Variants in NRCAM observed in about 807,000 individuals in gnomAD.
NRCAM encodes NgCAM-related cell adhesion molecule.
NRCAM carries 83 observed loss-of-function variants against 156.5 expected under a neutral mutation model. The ratio of observed to expected loss-of-function variants is 0.53; its 90% CI spans 0.44 to 0.64. The LOEUF (loss-of-function observed/expected upper bound fraction) is 0.64, where lower values mean the gene tolerates loss of function less well. NRCAM is among the 30% of genes least tolerant of loss of function. NRCAM has a pLI of 0.00. For missense variants in NRCAM, 1,417 were observed against 1,597.3 expected (o/e 0.89, Z 1.92); for synonymous variants, 538 against 563.9 (o/e 0.95, Z 0.65).
intron 1 of NRCAM, among the ~76,000 whole-genome samples, chr7:108,401,193 T>G (rs2099791449): frequency 6.6e-6 from 1 of 152,048 alleles, no homozygotes; most frequent in Non-Finnish European, 1.5e-5. Flanking sequence ...TAAGCCGAGA[T>G]GGCGCCACTG....
At chr7:108,315,263 C>CT (rs200258878) in intron 2 of NRCAM, among the ~76,000 whole-genome samples, 104 of 151,348 alleles carry the variant, frequency 6.9e-4, no homozygotes, top group Admixed American at 1.5e-3. Flanking sequence ...AGCCCAAACT[C>CT]TTTTTTTTTC....
rs763240093 is a variant in NRCAM at position 108,432,356 on chromosome 7, CTTG to C, written c.-332+23884_-332+23886del. Among the ~76,000 whole-genome samples, 9 of 152,198 alleles carry C rather than the reference CTTG, an allele frequency of 5.9e-5. No individual in the cohort carries two copies. In the East Asian group the frequency reaches 9.6e-4, roughly 16 times the overall value. ...AAATTATGCCAAATCATATGTTCTT[CTTG>C]TTCGAAGAATTGGTGTAACAAGACT... On this transcript the variant is annotated intron_variant, in intron 1 of 32. Transcript: ENST00000379028.
At chr7:108,439,678 T>C (rs35436957) in intron 1 of NRCAM, among the ~76,000 whole-genome samples, 1 of 151,444 alleles carries the variant, frequency 6.6e-6, no homozygotes, top group Non-Finnish European at 1.5e-5. Flanking sequence ...CTACTAAAAA[T>C]ACAAAATTAG....
At chr7:108,316,704 G>A (rs977915569) in intron 2 of NRCAM, among the ~76,000 whole-genome samples, 2 of 151,788 alleles carry the variant, frequency 1.3e-5, no homozygotes, top group Non-Finnish European at 2.9e-5. Context: ...ACAATCAATG[G>A]TGTGAACCCA....
At chr7:108,424,836 G>T (rs868140975) in intron 1 of NRCAM, among the ~76,000 whole-genome samples, 3 of 152,176 alleles carry the variant, frequency 2.0e-5, no homozygotes, top group South Asian at 4.1e-4. Flanking sequence ...ATGTCTAATA[G>T]AATATATATG....
At chr7:108,430,041 G>A (rs1266596991) in intron 1 of NRCAM, among the ~76,000 whole-genome samples, 1 of 152,224 alleles carries the variant, frequency 6.6e-6, no homozygotes, top group African/African-American at 2.4e-5. Flanking sequence ...CAGAAGCAAT[G>A]CCTGGTGTGG....
At chr7:108,288,963 G>T (rs1237972188) in intron 3 of NRCAM, among the ~76,000 whole-genome samples, 2 of 151,998 alleles carry the variant, frequency 1.3e-5, no homozygotes, top group African/African-American at 4.8e-5. Context: ...ATTTTTCTGA[G>T]GGTGGGGTAG....
chr7:108,238,184 A>C (rs1038046135), intron 4 of NRCAM, among the ~76,000 whole-genome samples: 13 of 152,232 alleles, frequency 8.5e-5, no homozygotes, highest in African/African-American at 3.1e-4. Flanking sequence ...ATCACTGTGC[A>C]TATGGTAATA....
intron 3 of NRCAM, among the ~76,000 whole-genome samples, chr7:108,277,084 G>A (rs559550055): frequency 2.6e-4 from 39 of 152,318 alleles, no homozygotes; most frequent in African/African-American, 9.1e-4. Flanking sequence ...CTGGCTTGTA[G>A]GGTTTCTGCA....
In NRCAM at chr7:108,164,675, G is replaced by A. The variant is rs113700785; in HGVS notation, c.3466+2246C>T. On this transcript the variant is annotated intron_variant, in intron 30 of 32. Transcript: ENST00000379028. ...AAGCATTGTGAACTGGGAAAAGGGA[G>A]GCAGCGTAATGGTAAACTGAGGCAT... 1.3e-3 allele frequency among the ~76,000 whole-genome samples: 198 copies of A among 152,246 alleles called. 1 individual carries two copies. Among genetic ancestry groups the A allele is most frequent in the African/African-American group, 4.5e-3 (188 of 41,526 alleles).
At chr7:108,302,149 T>C (rs897976894) in intron 3 of NRCAM, among the ~76,000 whole-genome samples, 4 of 152,106 alleles carry the variant, frequency 2.6e-5, no homozygotes, top group African/African-American at 9.7e-5. Context: ...TAATGACATA[T>C]TGTTCCGTGT....
Position 108,191,285 on chromosome 7 carries a change from T to C in NRCAM, c.1904-2A>G. The C allele has an allele frequency of 1.3e-6, 2 of 1,599,036 alleles. No individual in the cohort carries two copies. The highest frequency in any genetic ancestry group is 2.3e-5 in the South Asian group (2 of 88,332). ...CGGGAGCTGGAGTTGGAGTAGGAGC[T>C]AGAAAGGACATTAATATAAAGGATT... On this transcript the variant is annotated splice_acceptor_variant, in intron 18 of 32. Coordinates refer to ENST00000379028, the MANE Select transcript of NRCAM (RefSeq NM_001037132.4). LOFTEE classifies it high-confidence loss of function.
intron 11 of NRCAM, among the ~76,000 whole-genome samples, chr7:108,220,289 T>C (rs2091731147): frequency 6.6e-6 from 1 of 152,058 alleles, no homozygotes; most frequent in African/African-American, 2.4e-5. Flanking sequence ...AATCTACAAA[T>C]TCAATGCAAT....
At chr7:108,397,695 A>G (rs2099780896) in intron 2 of NRCAM, among the ~76,000 whole-genome samples, 1 of 152,244 alleles carries the variant, frequency 6.6e-6, no homozygotes, top group Admixed American at 6.5e-5. Context: ...CTGAAAAAGA[A>G]TGACATTTGA....
At chr7:108,448,976 G>A (rs1181829282) in intron 1 of NRCAM, among the ~76,000 whole-genome samples, 1 of 152,172 alleles carries the variant, frequency 6.6e-6, no homozygotes, top group East Asian at 1.9e-4. Flanking sequence ...TAATAGAGGG[G>A]AAAGCCGCAG....
chr7:108,289,977 A>C (rs1191483051), intron 3 of NRCAM, among the ~76,000 whole-genome samples: 1 of 152,144 alleles, frequency 6.6e-6, no homozygotes, highest in African/African-American at 2.4e-5. Context: ...CTTTTCAAAA[A>C]AGAAGCCCAT....
intron 1 of NRCAM, among the ~76,000 whole-genome samples, chr7:108,426,231 T>C (rs1817112099): frequency 1.3e-5 from 2 of 152,234 alleles, no homozygotes; most frequent in Admixed American, 1.3e-4. Flanking sequence ...CACAACTCTT[T>C]CACATATTAT....
intron 20 of NRCAM, among the ~76,000 whole-genome samples, 161 bp from the exon 21 acceptor site, chr7:108,184,775 T>C (rs2065678544): frequency 6.6e-6 from 1 of 152,120 alleles, no homozygotes; most frequent in Admixed American, 6.5e-5. Flanking sequence ...TTCAGAGTTG[T>C]CATTATCCTC....
rs577970446 is a variant in NRCAM at position 108,269,111 on chromosome 7, T to C, written c.-106-28941A>G. On this transcript the variant is annotated intron_variant, in intron 3 of 32. Coordinates refer to ENST00000379028, the MANE Select transcript of NRCAM (RefSeq NM_001037132.4). ...GAGCAAGTGAGGCATTTACCTCAGA[T>C]GCAAAGGCCAGGGAGGCATCAAAAA... is the stretch of plus-strand genomic sequence containing the variant. Among the ~76,000 whole-genome samples the C allele has an allele frequency of 2.1e-3, 318 of 149,094 alleles. 3 individuals carry two copies. Among genetic ancestry groups the C allele is most frequent in the Middle Eastern group, 3.5e-3 (1 of 288 alleles).
Sources: gnomAD v4.1 joint callset for allele counts (sites outside exome capture counted in the v4.1 genomes callset) on GRCh38, gnomAD v4.1.1 for gene constraint, MANE v1.5 for transcripts, NCBI Gene and HGNC (gene_info 2026-07-23, HGNC 2026-07-21) for gene names.